SCAND1: variants seen among roughly 807,000 people sequenced by gnomAD.
SCAND1 encodes the protein SCAN domain-containing protein 1.
In SCAND1, 3 loss-of-function variants were observed where a neutral mutation model predicts 3.4. The ratio of observed to expected loss-of-function variants is 0.87; its 90% CI spans 0.40 to 2.25. The LOEUF is 2.25. Ranked by LOEUF, SCAND1 falls within the 30% of genes most tolerant of loss-of-function variation. SCAND1 has a pLI of 0.05. For missense variants in SCAND1, 303 were observed against 258.8 expected, an observed-to-expected ratio of 1.17 and a Z score of -1.17; for synonymous variants, 152 against 120.5, an observed-to-expected ratio of 1.26 and a Z score of -1.72.
Position 35,953,802 on chromosome 20 carries a change from G to C in SCAND1, c.483C>G (p.Pro161=). The change falls in exon 2 of 2, where the codon CCC becomes CCG. Residue 161 remains proline (P), a synonymous_variant. Coordinates refer to ENST00000305978, the MANE Select transcript of SCAND1 (RefSeq NM_033630.3). ...LVQEQLLAIL[P]EAARARRIRR... ...GGATCCGCCGGGCCCGAGCCGCCTC[G>C]GGCAGGATGGCGAGCAGCTGCTCTT... 6.5e-6 allele frequency: 10 copies of C among 1,535,948 alleles called. No individual in the cohort carries two copies. The highest frequency in any genetic ancestry group is 8.7e-6 in the Non-Finnish European group (10 of 1,143,482).
In SCAND1 at chr20:35,953,727, C is replaced by T. The variant is rs2147151808; in HGVS notation, c.*18G>A. Reference sequence around the variant, plus strand: ...TCCGCACAGAGCGCCCGGCCCTGGCCGCCCGCAGCTCCACCGCTCAGCCAG... The same window carrying T: ...TCCGCACAGAGCGCCCGGCCCTGGCTGCCCGCAGCTCCACCGCTCAGCCAG... On this transcript the variant is annotated 3_prime_UTR_variant, in exon 2 of 2. Transcript: ENST00000305978. The T allele has an allele frequency of 7.1e-7, 1 of 1,410,422 alleles. No homozygotes were observed. The highest frequency in any genetic ancestry group is 1.5e-5 in the African/African-American group (1 of 66,506). 87.4% of individuals were successfully genotyped at this position (1,410,422 alleles called of 1,614,324 possible).
rs1732954991 is a variant in SCAND1, at chr20:35,954,084, C to T, written c.201G>A (p.Ala67=). Residue 67 remains alanine (A), a synonymous_variant, in exon 2 of 2, where the codon GCG becomes GCA. Transcript: ENST00000305978. ...GAGGCAGCTCCAGGGCCGCGGAGGCCGCAGCTCGGGGCGTAGGGATGGCTT... is the reference window on the plus strand; with the variant it reads ...GAGGCAGCTCCAGGGCCGCGGAGGCTGCAGCTCGGGGCGTAGGGATGGCTT... ...VPEAIPTPRA[A]ASAALELPLG... is the part of the protein sequence containing the mutation. The T allele has an allele frequency of 6.5e-7, 1 of 1,536,426 alleles. No homozygotes were observed. Among genetic ancestry groups the T allele is most frequent in the African/African-American group, 1.4e-5 (1 of 72,744 alleles).
upstream of SCAND1, chr20:35,954,638 T>G: frequency 1.5e-6 from 2 of 1,298,582 alleles, no homozygotes; most frequent in Non-Finnish European, 2.0e-6. Flanking sequence ...CCTGGGCTCC[T>G]TCCGAATGGT....
At chr20:35,955,487 G>T (rs953712551), upstream of SCAND1, 1 of 152,178 alleles carries the variant, frequency 6.6e-6, no homozygotes, top group African/African-American at 2.4e-5. Flanking sequence ...TACCTTGGTG[G>T]AATCCCCTTT....
rs2147152239 is a variant in SCAND1, at chr20:35,953,928, C to T, written c.357G>A (p.Ala119=). ...GCCGGAAAGCCTCCCGGGGACCCGC[C>T]GCATCCTGGTAGCGGAACTGCCGGA... is the stretch of plus-strand genomic sequence containing the variant. ...QRFRQFRYQD[A]AGPREAFRQL... Residue 119 remains alanine, a synonymous_variant, in exon 2 of 2, where the codon GCG becomes GCA. Coordinates refer to ENST00000305978, the MANE Select transcript of SCAND1 (RefSeq NM_033630.3). The T allele has an allele frequency of 6.3e-7, 1 of 1,578,460 alleles. No individual in the cohort carries two copies.
chr20:35,953,952 G>A lies in SCAND1; in HGVS notation c.333C>T (p.Phe111=), dbSNP rs769348202. The part of the protein sequence containing the change: ...RLGPETFRQR[F]RQFRYQDAAG... Reference sequence around the variant, plus strand: ...CCGCATCCTGGTAGCGGAACTGCCGGAAACGCTGGCGGAACGTCTCGGGAC... The same window carrying A: ...CCGCATCCTGGTAGCGGAACTGCCGAAAACGCTGGCGGAACGTCTCGGGAC... Residue 111 remains phenylalanine (F), a synonymous_variant, in exon 2 of 2, where the codon TTC becomes TTT. Coordinates refer to ENST00000305978, the MANE Select transcript of SCAND1 (RefSeq NM_033630.3). 1 of 1,576,906 alleles carries A rather than the reference G, an allele frequency of 6.3e-7. No homozygotes were observed. Among genetic ancestry groups the A allele is most frequent in the Non-Finnish European group, 8.6e-7 (1 of 1,162,336 alleles).
chr20:35,953,773 C>A lies in SCAND1; in HGVS notation c.512G>T (p.Arg171Leu). ...GCCAGTGATGCGCACATCCGTGCGG[C>A]GGCGGATCCGCCGGGCCCGAGCCGC... ...PEAARARRIR[R>L]RTDVRITG Residue 171 changes from arginine (R) to leucine (L), a missense_variant, in exon 2 of 2, where the codon CGC (arginine) becomes CTC (leucine). Coordinates refer to ENST00000305978, the MANE Select transcript of SCAND1 (RefSeq NM_033630.3). 6.7e-7 allele frequency: 1 copy of A among 1,485,456 alleles called. No individual in the cohort carries two copies. Among genetic ancestry groups the A allele is most frequent in the Non-Finnish European group, 8.9e-7 (1 of 1,121,016 alleles). 92.0% of individuals were successfully genotyped at this position (1,485,456 alleles called of 1,614,324 possible).
intron 1 of SCAND1, 24 bp downstream of exon 1, chr20:35,954,424 C>G: frequency 6.4e-7 from 1 of 1,550,992 alleles, no homozygotes; most frequent in Non-Finnish European, 8.7e-7. Flanking sequence ...GACTCGGGAC[C>G]GGCCGAGAGT....
rs778063491 is a variant in SCAND1 at position 35,954,375 on chromosome 20, G to A, written c.-55-36C>T. 8 of 1,582,164 alleles carry A rather than the reference G, an allele frequency of 5.1e-6. No individual in the cohort carries two copies. The South Asian group carries it at 6.9e-5, about 14-fold the overall frequency. On this transcript the variant is annotated intron_variant, in intron 1 of 1. Coordinates refer to ENST00000305978, the MANE Select transcript of SCAND1 (RefSeq NM_033630.3). ...GTGGGGTGAGCAGGGAGACGTTTCC[G>A]GTTAAAGGGCAGAGCTCGCGTCACC... is the stretch of plus-strand genomic sequence containing the variant.
At position 35,954,443 on chromosome 20, in the gene SCAND1, C is replaced by G. The variant is rs35448195; in HGVS notation, c.-56+5G>C. On this transcript the variant is annotated splice_donor_5th_base_variant and intron_variant, in intron 1 of 1. Transcript: ENST00000305978. ...CGGGACCGGCCGAGAGTGTGCGGAGCTTACCTGCACCAGCGAAGCGCCTGC... is the reference window on the plus strand; with the variant it reads ...CGGGACCGGCCGAGAGTGTGCGGAGGTTACCTGCACCAGCGAAGCGCCTGC... 160,461 of 1,549,344 alleles carry G rather than the reference C, an allele frequency of 0.1. 8,752 individuals carry two copies. Among genetic ancestry groups the G allele is most frequent in the South Asian group, 0.17 (13,805 of 83,412 alleles).
At chr20:35,954,571 T>G, upstream of SCAND1, 1 of 1,458,702 alleles carries the variant, frequency 6.9e-7, no homozygotes, top group Non-Finnish European at 9.2e-7. Flanking sequence ...TCTAGCGTTC[T>G]CGAGTCGCAT....
upstream of SCAND1, among the ~76,000 whole-genome samples, chr20:35,958,309 G>A (rs778456420): frequency 4.3e-4 from 65 of 152,262 alleles, no homozygotes; most frequent in Non-Finnish European, 5.4e-4. Context: ...GCAGGTACCT[G>A]TAATCCGAGC....
upstream of SCAND1, among the ~76,000 whole-genome samples, chr20:35,958,276 CA>C (rs2056276396): frequency 6.6e-6 from 1 of 151,930 alleles, no homozygotes. Context: ...ACTAAAAATA[CA>C]AAAAATTAGC....
Position 35,953,699 on chromosome 20 carries a change from C to T in SCAND1, c.*46G>A. On this transcript the variant is annotated 3_prime_UTR_variant, in exon 2 of 2. Coordinates refer to ENST00000305978, the MANE Select transcript of SCAND1 (RefSeq NM_033630.3). The stretch of plus-strand genomic sequence containing the variant: ...AGGCCCCCGGGCCCGATCATGGCCC[C>T]AGTCCGCACAGAGCGCCCGGCCCTG... The T allele has an allele frequency of 7.7e-7, 1 of 1,293,390 alleles. No individual in the cohort carries two copies. The allele number at this position is 1,293,390 out of a possible 1,614,324, so 80.1% of individuals were successfully genotyped here. A position where few individuals can be genotyped will look rare whatever the true frequency, so the allele number is the denominator to read the frequency against.
chr20:35,959,436 T>G (rs2056288757), upstream of SCAND1: 1 of 152,500 alleles, frequency 6.6e-6, no homozygotes, highest in Non-Finnish European at 1.5e-5. Flanking sequence ...TAGGGAGGCC[T>G]CACAATCGTG....
chr20:35,954,288 T>C lies in SCAND1; in HGVS notation c.-4A>G. ...AGATCGGCTCCGTAGCCGCCATAACTCCAGCTCCGGGCGTCACTCTTTGTC... is the reference window on the plus strand; with the variant it reads ...AGATCGGCTCCGTAGCCGCCATAACCCCAGCTCCGGGCGTCACTCTTTGTC... On this transcript the variant is annotated 5_prime_UTR_variant, in exon 2 of 2. Transcript: ENST00000305978. 10 of 1,613,438 alleles carry C rather than the reference T, an allele frequency of 6.2e-6. No individual in the cohort carries two copies. Among genetic ancestry groups the C allele is most frequent in the Non-Finnish European group, 8.5e-6 (10 of 1,179,874 alleles).
In SCAND1 at chr20:35,954,313, C is replaced by A. The variant is rs1269889482; in HGVS notation, c.-29G>T. 5 of 1,613,152 alleles carry A rather than the reference C, an allele frequency of 3.1e-6. No individual in the cohort carries two copies. The highest frequency in any genetic ancestry group is 1.7e-5 in the Admixed American group (1 of 59,988). On this transcript the variant is annotated 5_prime_UTR_variant, in exon 2 of 2. Transcript: ENST00000305978. The stretch of plus-strand genomic sequence containing the variant: ...TCCAGCTCCGGGCGTCACTCTTTGT[C>A]CGGTAGCTGTGTGCTCAGCACTGCG...
Position 35,954,009 on chromosome 20 carries a change from GC to G in SCAND1, c.275del (p.Arg92ProfsTer107), listed in dbSNP as rs1487375196. ...SVAPQAEAEA[R>X]STPGPAGSRL... ...TAGAGCCGGCGGGGCCTGGTGTGGA[GC>G]GCGCTTCAGCTTCGGCCTGAGGCGC... On this transcript the variant is annotated frameshift_variant, in exon 2 of 2. Transcript: ENST00000305978. LOFTEE classifies it high-confidence loss of function. The G allele has an allele frequency of 3.2e-6, 5 of 1,547,322 alleles. No individual in the cohort carries two copies. The East Asian group carries it at 1.2e-4, about 38-fold the overall frequency.
At chr20:35,959,122 G>C (rs1568837076), upstream of SCAND1, 1 of 152,140 alleles carries the variant, frequency 6.6e-6, no homozygotes, top group Non-Finnish European at 1.5e-5. Context: ...ATCTTTCTGA[G>C]CCTGGAAATA....
Sources: gnomAD v4.1 joint callset for allele counts (sites outside exome capture counted in the v4.1 genomes callset) on GRCh38, gnomAD v4.1.1 for gene constraint, MANE v1.5 for transcripts, NCBI Gene and HGNC (gene_info 2026-07-23, HGNC 2026-07-21) for gene names.